The following C19orf47 variants were observed in gnomAD, a reference collection of about 807,000 sequenced individuals.
C19orf47 encodes uncharacterized protein C19orf47.
In C19orf47, 18 loss-of-function variants were observed where a neutral mutation model predicts 32.3. That is an observed-to-expected ratio of 0.56 (90% confidence interval 0.39 to 0.83). The LOEUF (loss-of-function observed/expected upper bound fraction) is 0.83. C19orf47 is among the 40% of genes least tolerant of loss of function. The probability of loss-of-function intolerance (pLI) is 0.00; values close to 1 mark genes in which losing one functional copy is unlikely to be tolerated. For synonymous variants in C19orf47, 202 were observed against 211.1 expected (o/e 0.96, Z 0.37); for missense variants, 484 against 531.6 (o/e 0.91, Z 0.88).
At chr19:40,312,194 C>T in the C19orf47 span, among the ~76,000 whole-genome samples, 1 of 152,148 alleles carries the variant, frequency 6.6e-6, no homozygotes, top group South Asian at 2.1e-4. Flanking sequence ...CCTCCTGAAT[C>T]TGATGGGCCA....
At chr19:40,339,480 T>A (rs570047714) in intron 2 of C19orf47, among the ~76,000 whole-genome samples, 1 of 152,322 alleles carries the variant, frequency 6.6e-6, no homozygotes, top group Non-Finnish European at 1.5e-5. Flanking sequence ...GACAGCAGCA[T>A]TGATAAACAC....
At chr19:40,341,763 A>G in intron 2 of C19orf47, 76 bp downstream of exon 2, 1 of 1,527,094 alleles carries the variant, frequency 6.5e-7, no homozygotes, top group Non-Finnish European at 8.8e-7. Flanking sequence ...CCCCCATCCC[A>G]TCATCCCCCA....
intron 7 of C19orf47, 75 bp downstream of exon 7, chr19:40,326,259 A>G (rs2077825791): frequency 2.5e-6 from 4 of 1,575,568 alleles, no homozygotes; most frequent in Non-Finnish European, 3.5e-6. Flanking sequence ...CGTCTGTAGG[A>G]TATGACGGGC....
chr19:40,339,756 G>C lies in C19orf47; in HGVS notation c.19+2083C>G, dbSNP rs573185776. ...GGAGGCCGAGATGGACGGATCACCT[G>C]AGGTCAGGAGTTCAAGACCAGCCTG... On this transcript the variant is annotated intron_variant, in intron 2 of 8. Transcript: ENST00000683109. Among the ~76,000 whole-genome samples the C allele has an allele frequency of 2.0e-5, 3 of 152,180 alleles. No homozygotes were observed. In the East Asian group the frequency reaches 5.8e-4, roughly 29 times the overall value.
intron 2 of C19orf47, among the ~76,000 whole-genome samples, chr19:40,340,975 CAAAAAA>C: frequency 9.7e-6 from 1 of 102,916 alleles, no homozygotes. Flanking sequence ...GAGCCTGTCT[CAAAAAA>C]AAAAAAAAAA....
In C19orf47 at chr19:40,321,772, A is replaced by T. The variant is rs568868729; in HGVS notation, c.*110T>A. 1 of 1,439,898 alleles carries T rather than the reference A, an allele frequency of 6.9e-7. No individual in the cohort carries two copies. The highest frequency in any genetic ancestry group is 1.5e-5 in the South Asian group (1 of 67,100). The allele number at this position is 1,439,898 out of a possible 1,614,324, so 89.2% of individuals were successfully genotyped here. On this transcript the variant is annotated 3_prime_UTR_variant, in exon 9 of 9. Transcript: ENST00000683109. The stretch of plus-strand genomic sequence containing the variant: ...GGCCTAGCTCTAGAGCCCGAGGGAG[A>T]CAAGCTGTGTCATCCAGGAGCTGGT...
In C19orf47 at chr19:40,336,113, A is replaced by T; in HGVS notation, c.219T>A (p.Arg73=). The part of the protein sequence containing the change: ...AILKHAKVVH[R]QDMCKAATES... Reference sequence around the variant, plus strand: ...AGGGGCTGGGCACAGCACCCACCTGACGGTGCACCACTTTGGCATGCTTGA... The same window carrying T: ...AGGGGCTGGGCACAGCACCCACCTGTCGGTGCACCACTTTGGCATGCTTGA... The change falls in exon 4 of 9, where the codon CGT becomes CGA. Residue 73 remains arginine (R), a synonymous_variant. Transcript: ENST00000683109. 1 of 1,614,012 alleles carries T rather than the reference A, an allele frequency of 6.2e-7. No individual in the cohort carries two copies. The highest frequency in any genetic ancestry group is 8.5e-7 in the Non-Finnish European group (1 of 1,179,906).
chr19:40,312,246 G>C, the C19orf47 span, among the ~76,000 whole-genome samples: 1 of 152,032 alleles, frequency 6.6e-6, no homozygotes, highest in Non-Finnish European at 1.5e-5. Context: ...TCCAATGCTA[G>C]GTTAGAAAAG....
At chr19:40,324,230 C>A in intron 7 of C19orf47, 154 bp from the exon 8 acceptor site, 1 of 715,880 alleles carries the variant, frequency 1.4e-6, no homozygotes. Context: ...ACTGTTGGCT[C>A]ACACTGACCC....
At chr19:40,307,352 C>T in the C19orf47 span, among the ~76,000 whole-genome samples, 1 of 152,110 alleles carries the variant, frequency 6.6e-6, no homozygotes, top group Non-Finnish European at 1.5e-5. Flanking sequence ...ACCTCTGCCT[C>T]CCAAAGTGCT....
chr19:40,346,104 C>T (rs905598105), intron 1 of C19orf47, among the ~76,000 whole-genome samples: 1 of 148,604 alleles, frequency 6.7e-6, no homozygotes, highest in South Asian at 2.1e-4. Context: ...TGCAGTGAGC[C>T]GAAACTGTAC....
At chr19:40,327,433 C>T (rs752732999) in intron 6 of C19orf47, among the ~76,000 whole-genome samples, 25 of 151,550 alleles carry the variant, frequency 1.6e-4, no homozygotes, top group Non-Finnish European at 2.6e-4. Flanking sequence ...GGATTATAGG[C>T]GTGAGCCACC....
chr19:40,343,022 C>T (rs966215426), intron 1 of C19orf47, among the ~76,000 whole-genome samples: 2 of 152,186 alleles, frequency 1.3e-5, no homozygotes, highest in African/African-American at 4.8e-5. Context: ...CCGTTAAAAG[C>T]AGTGTTGAAT....
chr19:40,338,266 TACACAC>T (rs35520400), intron 2 of C19orf47, among the ~76,000 whole-genome samples: 14 of 143,576 alleles, frequency 9.8e-5, no homozygotes, highest in South Asian at 2.2e-4. Context: ...TACATATATA[TACACAC>T]ACACACACAC....
the C19orf47 span, among the ~76,000 whole-genome samples, chr19:40,310,696 G>A: frequency 1.3e-5 from 2 of 152,078 alleles, no homozygotes; most frequent in African/African-American, 2.4e-5. Flanking sequence ...TATATTAAGT[G>A]AAAAAAGCAA....
At chr19:40,335,800 G>A (rs1372731944) in intron 4 of C19orf47, among the ~76,000 whole-genome samples, 1 of 152,030 alleles carries the variant, frequency 6.6e-6, no homozygotes, top group African/African-American at 2.4e-5. Context: ...TAGTACAGAC[G>A]GGGTTTCACC....
At chr19:40,327,007 CTTT>C (rs763036518) in intron 6 of C19orf47, among the ~76,000 whole-genome samples, 2 of 122,792 alleles carry the variant, frequency 1.6e-5, no homozygotes. Context: ...CTGATTTTAA[CTTT>C]TTTTTTTTTT....
chr19:40,311,217 A>G, the C19orf47 span, among the ~76,000 whole-genome samples: 1 of 152,030 alleles, frequency 6.6e-6, no homozygotes, highest in Admixed American at 6.6e-5. Flanking sequence ...TCTCTACTAA[A>G]AATACAAAAA....
chr19:40,318,018 T>C (rs958114312), downstream of C19orf47, among the ~76,000 whole-genome samples: 18 of 151,978 alleles, frequency 1.2e-4, no homozygotes, highest in Non-Finnish European at 2.5e-4. Context: ...CCATGCCAGG[T>C]CCAAAATCAC....
Sources: gnomAD v4.1 joint callset for allele counts (sites outside exome capture counted in the v4.1 genomes callset) on GRCh38, gnomAD v4.1.1 for gene constraint, MANE v1.5 for transcripts, NCBI Gene and HGNC (gene_info 2026-07-23, HGNC 2026-07-21) for gene names.